UVRAG: variants seen among roughly 807,000 people sequenced by gnomAD.
UVRAG encodes the protein UV radiation resistance-associated gene protein.
Under a neutral mutation model 78.0 loss-of-function variants are expected in UVRAG, and 19 were observed. The observed-to-expected ratio is 0.24, with a 90% CI of 0.17 to 0.36. The LOEUF (loss-of-function observed/expected upper bound fraction) is 0.36, where lower values mean the gene tolerates loss of function less well. Among genes scored for constraint, UVRAG ranks in the 10% least tolerant of loss-of-function variants. The probability of loss-of-function intolerance (pLI) is 1.00; values close to 1 mark genes in which losing one functional copy is unlikely to be tolerated. For synonymous variants in UVRAG, 323 were observed against 324.6 expected (o/e 1.00, Z 0.05); for missense variants, 740 against 853.8 (o/e 0.87, Z 1.66).
At chr11:75,898,406 G>A (rs548982231) in intron 5 of UVRAG, among the ~76,000 whole-genome samples, 12 of 152,236 alleles carry the variant, frequency 7.9e-5, no homozygotes, top group African/African-American at 2.4e-4. Flanking sequence ...TGAGTTTATT[G>A]TAGTTTTTTG....
intron 3 of UVRAG, among the ~76,000 whole-genome samples, chr11:75,871,076 G>C (rs527943263): frequency 2.6e-5 from 4 of 152,110 alleles, no homozygotes; most frequent in African/African-American, 9.6e-5. Flanking sequence ...ATCATAACAT[G>C]TTAGTCAGGC....
chr11:76,008,720 T>C (rs1448218156), intron 10 of UVRAG, 87 bp from the exon 11 acceptor site: 4 of 685,798 alleles, frequency 5.8e-6, no homozygotes, highest in Non-Finnish European at 7.3e-6. Flanking sequence ...AACAGTGTTT[T>C]GAGTCAGCAC....
At chr11:75,948,385 A>G (rs750177976) in intron 6 of UVRAG, among the ~76,000 whole-genome samples, 35 of 152,160 alleles carry the variant, frequency 2.3e-4, no homozygotes, top group Non-Finnish European at 3.5e-4. Context: ...TACAGTGGGA[A>G]TGATGAAAAG....
intron 1 of UVRAG, 115 bp from the exon 2 acceptor site, chr11:75,851,768 C>T (rs2134743616): frequency 1.3e-6 from 1 of 792,352 alleles, no homozygotes; most frequent in East Asian, 2.5e-5. Context: ...GTTTCTGGCT[C>T]AATAAATAAA....
chr11:76,076,484 A>G (rs775249345), intron 13 of UVRAG, among the ~76,000 whole-genome samples: 1 of 152,156 alleles, frequency 6.6e-6, no homozygotes, highest in Non-Finnish European at 1.5e-5. Flanking sequence ...CACAGGAAAG[A>G]CCTGCTCCCA....
intron 3 of UVRAG, among the ~76,000 whole-genome samples, chr11:75,867,518 T>C (rs1320268091): frequency 1.3e-5 from 2 of 152,242 alleles, no homozygotes; most frequent in African/African-American, 4.8e-5. Flanking sequence ...CAGAATTGAC[T>C]CATTTTTTCT....
intron 14 of UVRAG, among the ~76,000 whole-genome samples, chr11:76,129,586 C>A (rs965459002): frequency 5.3e-5 from 8 of 152,214 alleles, no homozygotes; most frequent in African/African-American, 1.7e-4. Flanking sequence ...TCTTTGCTTT[C>A]TGCGAATGAA....
chr11:75,849,069 T>G (rs1946096110), intron 1 of UVRAG, among the ~76,000 whole-genome samples: 1 of 152,132 alleles, frequency 6.6e-6, no homozygotes, highest in Admixed American at 6.5e-5. Flanking sequence ...TCGCAGCTAC[T>G]TGGGAGCGTG....
intron 12 of UVRAG, among the ~76,000 whole-genome samples, chr11:76,056,028 A>G (rs540183067): frequency 9.8e-5 from 15 of 152,342 alleles, no homozygotes; most frequent in African/African-American, 3.1e-4. Context: ...CAAATCTTAA[A>G]TGAACTATTC....
chr11:76,058,249 G>T (rs1026751416), intron 12 of UVRAG, among the ~76,000 whole-genome samples: 1 of 152,062 alleles, frequency 6.6e-6, no homozygotes, highest in Non-Finnish European at 1.5e-5. Flanking sequence ...TGAGTTTTAG[G>T]TCCGGGCATG....
intron 4 of UVRAG, among the ~76,000 whole-genome samples, chr11:75,885,928 T>C (rs1278618466): frequency 6.8e-6 from 1 of 147,670 alleles, no homozygotes; most frequent in Non-Finnish European, 1.5e-5. Context: ...TACTTTCATA[T>C]CTTATTATCT....
intron 2 of UVRAG, among the ~76,000 whole-genome samples, chr11:75,852,607 G>T (rs187873493): frequency 2.2e-4 from 34 of 152,282 alleles, no homozygotes; most frequent in Admixed American, 5.2e-4. Flanking sequence ...ATGGTAAAAT[G>T]ATAGGAATGT....
intron 12 of UVRAG, among the ~76,000 whole-genome samples, chr11:76,021,490 G>A (rs769597944): frequency 6.6e-6 from 1 of 151,950 alleles, no homozygotes; most frequent in Non-Finnish European, 1.5e-5. Flanking sequence ...ATTCTCTCTA[G>A]TGTTTTTTTG....
chr11:76,063,923 A>G (rs1450114691), intron 12 of UVRAG, among the ~76,000 whole-genome samples: 2 of 152,252 alleles, frequency 1.3e-5, no homozygotes, highest in African/African-American at 4.8e-5. Context: ...AGTAAGATGA[A>G]TGCATGATAG....
At position 76,007,020 on chromosome 11, in the gene UVRAG, CT is replaced by C. The variant is rs564504279; in HGVS notation, c.912-506del. 2.4e-3 allele frequency among the ~76,000 whole-genome samples: 370 copies of C among 152,024 alleles called. 1 individual carries two copies. Among genetic ancestry groups the C allele is most frequent in the African/African-American group, 8.4e-3 (350 of 41,458 alleles). On this transcript the variant is annotated intron_variant, in intron 9 of 14. Transcript: ENST00000356136. ...ATGATTATTTGTACCCTTTACATTT[CT>C]TTTTTTTCAAAGACAAGGTCTTGCT...
chr11:75,855,187 G>C (rs1028414262), intron 2 of UVRAG, among the ~76,000 whole-genome samples: 1 of 152,142 alleles, frequency 6.6e-6, no homozygotes, highest in African/African-American at 2.4e-5. Flanking sequence ...CTCTCTTCCA[G>C]CTCAGATTAT....
At chr11:76,060,632 G>A (rs887670986) in intron 12 of UVRAG, among the ~76,000 whole-genome samples, 3 of 152,350 alleles carry the variant, frequency 2.0e-5, no homozygotes, top group African/African-American at 7.2e-5. Context: ...CCGGGTGGGC[G>A]TGGGTTTGGC....
intron 13 of UVRAG, among the ~76,000 whole-genome samples, chr11:76,084,586 T>C (rs1218349067): frequency 6.6e-6 from 1 of 152,256 alleles, no homozygotes; most frequent in East Asian, 1.9e-4. Context: ...ATTTTATCTT[T>C]ATAAGTTATC....
At chr11:75,841,515 C>G (rs1945910151) in intron 1 of UVRAG, among the ~76,000 whole-genome samples, 2 of 149,368 alleles carry the variant, frequency 1.3e-5, no homozygotes, top group Admixed American at 6.6e-5. Context: ...TGTTTTATAT[C>G]ATCATTTTCA....
Sources: allele counts gnomAD v4.1 joint callset (sites outside exome capture counted in the v4.1 genomes callset), GRCh38; gene constraint gnomAD v4.1.1; transcripts MANE v1.5; gene names NCBI Gene and HGNC (gene_info 2026-07-23, HGNC 2026-07-21).